SEMA5A: variants seen among roughly 807,000 people sequenced by gnomAD.
SEMA5A encodes semaphorin 5A, also known as semaphorin-5A.
Under a neutral mutation model 135.5 loss-of-function variants are expected in SEMA5A, and 55 were observed. The observed-to-expected ratio is 0.41, with a 90% confidence interval of 0.33 to 0.51. The LOEUF (loss-of-function observed/expected upper bound fraction) is 0.51. Ranked by LOEUF, SEMA5A falls within the 20% of genes least tolerant of loss-of-function variation. SEMA5A has a pLI of 0.37. For missense variants in SEMA5A, 1,290 were observed against 1,419.9 expected (o/e 0.91, Z 1.47); for synonymous variants, 580 against 546.5 (o/e 1.06, Z -0.85).
intron 12 of SEMA5A, among the ~76,000 whole-genome samples, chr5:9,144,237 CTTAT>C (rs2150236098): frequency 6.6e-6 from 1 of 152,290 alleles, no homozygotes; most frequent in African/African-American, 2.4e-5. Context: ...GACACAATTA[CTTAT>C]TTGCTATATA....
chr5:9,050,557 G>T, intron 20 of SEMA5A, 100 bp from the exon 21 acceptor site: 1 of 974,136 alleles, frequency 1.0e-6, no homozygotes, highest in Non-Finnish European at 1.5e-6. Flanking sequence ...TGAATGTTAT[G>T]TGACACAAAG....
In SEMA5A at chr5:9,038,183, T is replaced by C. The variant is rs1006495999; in HGVS notation, c.*4714A>G. Reference sequence around the variant, plus strand: ...CATCTGTAAACTCCAGTTTGTACCATATCATAAGTGGTGAAGAATTTGCAT... The same window carrying C: ...CATCTGTAAACTCCAGTTTGTACCACATCATAAGTGGTGAAGAATTTGCAT... On this transcript the variant is annotated 3_prime_UTR_variant, in exon 23 of 23. Coordinates refer to ENST00000382496, the MANE Select transcript of SEMA5A (RefSeq NM_003966.3). 6.6e-6 allele frequency: 1 copy of C among 152,240 alleles called. No individual in the cohort carries two copies. The highest frequency in any genetic ancestry group is 1.5e-5 in the Non-Finnish European group (1 of 68,044). The allele number at this position is 152,240 out of a possible 1,614,324, so 9.4% of individuals were successfully genotyped here.
chr5:9,537,073 G>T (rs1737808453), intron 1 of SEMA5A, among the ~76,000 whole-genome samples: 1 of 151,934 alleles, frequency 6.6e-6, no homozygotes, highest in Non-Finnish European at 1.5e-5. Context: ...AAAAGAAAAT[G>T]GTTAGAAAAA....
At chr5:9,113,019 G>T (rs945058933) in intron 15 of SEMA5A, among the ~76,000 whole-genome samples, 1 of 152,292 alleles carries the variant, frequency 6.6e-6, no homozygotes, top group African/African-American at 2.4e-5. Context: ...AATGAAGGCT[G>T]CCAACAACCA....
intron 8 of SEMA5A, among the ~76,000 whole-genome samples, chr5:9,210,914 A>G (rs1347246835): frequency 6.6e-6 from 1 of 152,196 alleles, no homozygotes. Flanking sequence ...CAATAAGTAC[A>G]TGGACAGGCA....
intron 3 of SEMA5A, among the ~76,000 whole-genome samples, chr5:9,347,662 G>A (rs1318929871): frequency 6.6e-6 from 1 of 152,078 alleles, no homozygotes; most frequent in African/African-American, 2.4e-5. Flanking sequence ...TGCGTGCACT[G>A]TTTCAGTGAG....
chr5:9,430,196 T>A (rs1309268863), intron 2 of SEMA5A, among the ~76,000 whole-genome samples: 1 of 152,178 alleles, frequency 6.6e-6, no homozygotes, highest in Non-Finnish European at 1.5e-5. Context: ...CCTGAGCAAG[T>A]GGAAGACTGG....
chr5:9,047,627 A>AC (rs1561099087), intron 21 of SEMA5A, among the ~76,000 whole-genome samples: 5 of 152,214 alleles, frequency 3.3e-5, no homozygotes, highest in African/African-American at 1.2e-4. Context: ...TTCCTGTACA[A>AC]TGATTGATTT....
At chr5:9,508,375 T>C (rs1736022302) in intron 1 of SEMA5A, among the ~76,000 whole-genome samples, 1 of 152,182 alleles carries the variant, frequency 6.6e-6, no homozygotes, top group Admixed American at 6.5e-5. Context: ...CCCACTCCCC[T>C]ATCACCACTG....
At chr5:9,484,821 A>G (rs866943348) in intron 1 of SEMA5A, among the ~76,000 whole-genome samples, 21 of 152,206 alleles carry the variant, frequency 1.4e-4, no homozygotes, top group African/African-American at 5.1e-4. Context: ...TCTTGCATCA[A>G]CATCCCAAAA....
intron 2 of SEMA5A, among the ~76,000 whole-genome samples, chr5:9,396,806 T>C (rs566359671): frequency 6.6e-6 from 1 of 152,170 alleles, no homozygotes; most frequent in Non-Finnish European, 1.5e-5. Flanking sequence ...CTGTGTAGCA[T>C]TATGAGCCTC....
At chr5:9,368,162 TGTACACACAC>T (rs1438502990) in intron 3 of SEMA5A, among the ~76,000 whole-genome samples, 5 of 152,218 alleles carry the variant, frequency 3.3e-5, no homozygotes. Flanking sequence ...TGCTGAAACA[TGTACACACAC>T]ATACACACAC....
At chr5:9,333,827 T>G (rs1753263750) in intron 4 of SEMA5A, among the ~76,000 whole-genome samples, 1 of 152,192 alleles carries the variant, frequency 6.6e-6, no homozygotes, top group South Asian at 2.1e-4. Flanking sequence ...GTTTTTTTCT[T>G]TATGCTTTAC....
intron 6 of SEMA5A, among the ~76,000 whole-genome samples, chr5:9,233,492 A>G (rs1747743632): frequency 6.6e-6 from 1 of 152,000 alleles, no homozygotes; most frequent in Admixed American, 6.6e-5. Context: ...GGAATATTTA[A>G]GCCATTGCAG....
At chr5:9,189,159 G>A (rs1330125493) in intron 11 of SEMA5A, among the ~76,000 whole-genome samples, 1 of 152,234 alleles carries the variant, frequency 6.6e-6, no homozygotes, top group Non-Finnish European at 1.5e-5. Flanking sequence ...TCCTGGCGGA[G>A]ATCAATGCTA....
At chr5:9,293,059 G>A (rs1346470358) in intron 5 of SEMA5A, among the ~76,000 whole-genome samples, 2 of 152,138 alleles carry the variant, frequency 1.3e-5, no homozygotes, top group Non-Finnish European at 2.9e-5. Context: ...TCCCTGCTCT[G>A]AGCCTTGGTA....
chr5:9,152,322 A>G (rs2150254465), intron 12 of SEMA5A, among the ~76,000 whole-genome samples: 1 of 152,236 alleles, frequency 6.6e-6, no homozygotes, highest in East Asian at 1.9e-4. Context: ...TGTTGGCCAG[A>G]CCCCAATCCT....
At chr5:9,220,426 G>A (rs979445317) in intron 8 of SEMA5A, among the ~76,000 whole-genome samples, 39 of 152,058 alleles carry the variant, frequency 2.6e-4, no homozygotes, top group Non-Finnish European at 1.3e-4. Context: ...AACCACCTGT[G>A]CCCCAGAAAT....
chr5:9,139,212 C>G (rs1401808840), intron 12 of SEMA5A, among the ~76,000 whole-genome samples: 1 of 152,202 alleles, frequency 6.6e-6, no homozygotes, highest in East Asian at 1.9e-4. Flanking sequence ...TACATTCCCA[C>G]CAGCAGTGTA....
Sources: gnomAD v4.1 joint callset for allele counts (sites outside exome capture counted in the v4.1 genomes callset) on GRCh38, gnomAD v4.1.1 for gene constraint, MANE v1.5 for transcripts, NCBI Gene and HGNC (gene_info 2026-07-23, HGNC 2026-07-21) for gene names.